The following PCDHGA11 variants were observed in gnomAD, a reference collection of about 807,000 sequenced individuals.
PCDHGA11 encodes the protein protocadherin gamma-A11.
In PCDHGA11, 39 loss-of-function variants were observed where a neutral mutation model predicts 60.4. That is an observed-to-expected ratio of 0.65 (90% CI 0.50 to 0.84). The LOEUF (loss-of-function observed/expected upper bound fraction) is 0.84. Ranked by LOEUF, PCDHGA11 falls within the 40% of genes least tolerant of loss-of-function variation. The probability of loss-of-function intolerance (pLI) is 0.00; values close to 1 mark genes in which losing one functional copy is unlikely to be tolerated. For synonymous variants in PCDHGA11, 533 were observed against 510.3 expected (o/e 1.04, Z -0.60); for missense variants, 1,165 against 1,197.7 (o/e 0.97, Z 0.40).
At position 141,511,424 on chromosome 5, in the gene PCDHGA11, G is replaced by A. The variant is rs939906846; in HGVS notation, c.*251G>A. 10 of 810,392 alleles carry A rather than the reference G, an allele frequency of 1.2e-5. No homozygotes were observed. Among genetic ancestry groups the A allele is most frequent in the East Asian group, 3.0e-5 (1 of 33,800 alleles). The allele number at this position is 810,392 out of a possible 1,614,324, so 50.2% of individuals were successfully genotyped here. On this transcript the variant is annotated 3_prime_UTR_variant, in exon 4 of 4. Transcript: ENST00000398587. The stretch of plus-strand genomic sequence containing the variant: ...ATCAACTGCTGTACCCATGGGGGTA[G>A]TGGGGTTACTGTAGACACCAAGAAC...
In PCDHGA11 at chr5:141,485,822, G is replaced by A. The variant is rs750883983; in HGVS notation, c.2434-8985G>A. 6.2e-7 allele frequency: 1 copy of A among 1,614,192 alleles called. No individual in the cohort carries two copies. The highest frequency in any genetic ancestry group is 1.1e-5 in the South Asian group (1 of 91,080). ...CCGCCTGGTGCTGACTGCTGTCGAT[G>A]GAGGGAACCCGCCGAGATCTGGCAC... On this transcript the variant is annotated intron_variant, in intron 1 of 3. Transcript: ENST00000398587. This position sits in a 1 kb window ranked among gnomAD's most constrained non-coding sequence, Gnocchi z 5.7.
chr5:141,482,574 A>C (rs1294997781), intron 1 of PCDHGA11, among the ~76,000 whole-genome samples: 2 of 151,592 alleles, frequency 1.3e-5, no homozygotes, highest in Non-Finnish European at 2.9e-5. Context: ...GCATAGCATA[A>C]GATGCAGTGG....
chr5:141,467,756 T>A (rs1312303182), intron 1 of PCDHGA11, among the ~76,000 whole-genome samples: 5 of 151,988 alleles, frequency 3.3e-5, no homozygotes, highest in African/African-American at 1.2e-4. Flanking sequence ...CCGCCTCACA[T>A]GCTCAAGTGC....
chr5:141,495,384 C>A (rs2099760896), intron 2 of PCDHGA11, among the ~76,000 whole-genome samples: 1 of 152,190 alleles, frequency 6.6e-6, no homozygotes, highest in African/African-American at 2.4e-5. Flanking sequence ...AAGGACTGGG[C>A]GGGGCATGGA....
Position 141,432,390 on chromosome 5 carries a change from G to A in PCDHGA11, c.2433+8730G>A. The A allele has an allele frequency of 6.2e-7, 1 of 1,614,256 alleles. No homozygotes were observed. The highest frequency in any genetic ancestry group is 8.5e-7 in the Non-Finnish European group (1 of 1,180,046). On this transcript the variant is annotated intron_variant, in intron 1 of 3. Transcript: ENST00000398587. This position sits in a 1 kb window ranked among gnomAD's most constrained non-coding sequence, Gnocchi z 6.0. ...GACAACGGGCACCCGCCCCTCAGCA[G>A]CAACGTGTCGTTGAGCCTGTTCGTG... is the stretch of plus-strand genomic sequence containing the variant.
At position 141,489,871 on chromosome 5, in the gene PCDHGA11, G is replaced by C; in HGVS notation, c.2434-4936G>C. ...TGAAGCCCAGGCAAGACATCAGCTGGTGCTTACTGCTGTGGATGGGGGGAC... is the reference window on the plus strand; with the variant it reads ...TGAAGCCCAGGCAAGACATCAGCTGCTGCTTACTGCTGTGGATGGGGGGAC... On this transcript the variant is annotated intron_variant, in intron 1 of 3. Coordinates refer to ENST00000398587, the MANE Select transcript of PCDHGA11 (RefSeq NM_018914.3). The surrounding 1 kb of genome is among the most constrained non-coding windows in gnomAD (Gnocchi z 4.5). 1 of 1,614,206 alleles carries C rather than the reference G, an allele frequency of 6.2e-7. No individual in the cohort carries two copies.
intron 1 of PCDHGA11, among the ~76,000 whole-genome samples, chr5:141,459,812 A>G (rs1390780491): frequency 1.3e-5 from 2 of 152,232 alleles, no homozygotes; most frequent in South Asian, 2.1e-4. Context: ...GACTAGAGAC[A>G]CTGAGCAACT....
Position 141,421,845 on chromosome 5 carries a change from G to C in PCDHGA11, c.618G>C (p.Glu206Asp), listed in dbSNP as rs369443134. The change falls in exon 1 of 4, where the codon GAG becomes GAC. Residue 206 changes from glutamate to aspartate, a missense_variant. Transcript: ENST00000398587. ...VLEGSLDREK[E>D]AAHLLLLTAL... ...AGGGAAGCCTGGACCGAGAGAAAGA[G>C]GCTGCTCACCTGCTCCTCCTCACAG... The C allele has an allele frequency of 1.1e-5, 18 of 1,613,638 alleles. No homozygotes were observed. The African/African-American group carries it at 2.1e-4, about 19-fold the overall frequency.
intron 2 of PCDHGA11, among the ~76,000 whole-genome samples, chr5:141,502,404 C>G (rs1270930372): frequency 6.6e-6 from 1 of 151,880 alleles, no homozygotes; most frequent in African/African-American, 2.4e-5. Context: ...TGTCCCCGAA[C>G]CTGGATTTGC....
chr5:141,432,281 A>C lies in PCDHGA11; in HGVS notation c.2433+8621A>C, dbSNP rs1313887209. 1 of 1,614,188 alleles carries C rather than the reference A, an allele frequency of 6.2e-7. No individual in the cohort carries two copies. The highest frequency in any genetic ancestry group is 1.1e-5 in the South Asian group (1 of 91,084). On this transcript the variant is annotated intron_variant, in intron 1 of 3. Coordinates refer to ENST00000398587, the MANE Select transcript of PCDHGA11 (RefSeq NM_018914.3). The surrounding 1 kb of genome is among the most constrained non-coding windows in gnomAD (Gnocchi z 6.0). The stretch of plus-strand genomic sequence containing the variant: ...AAGCCTATCGTCCTACGTGTCCATC[A>C]ACTCCGACACTGGGGTACTGTATGC...
At position 141,511,248 on chromosome 5, in the gene PCDHGA11, C is replaced by T; in HGVS notation, c.*75C>T. ...AGCTTCTCCTTACCTGCACCCAGGC[C>T]TCAGAGTTTCAGGGCTAACCCCCAG... On this transcript the variant is annotated 3_prime_UTR_variant, in exon 4 of 4. Transcript: ENST00000398587. 6.4e-7 allele frequency: 1 copy of T among 1,574,736 alleles called. No homozygotes were observed. The highest frequency in any genetic ancestry group is 8.6e-7 in the Non-Finnish European group (1 of 1,160,336).
Position 141,489,575 on chromosome 5 carries a change from AC to A in PCDHGA11, c.2434-5227del. On this transcript the variant is annotated intron_variant, in intron 1 of 3. Coordinates refer to ENST00000398587, the MANE Select transcript of PCDHGA11 (RefSeq NM_018914.3). This position sits in a 1 kb window ranked among gnomAD's most constrained non-coding sequence, Gnocchi z 4.5. ...CTGCCAGTGCAGGTGGTGACTGAAC[AC>A]CCCCTGGAGCTAATCCGTGTAGAGG... 1 of 1,613,788 alleles carries A rather than the reference AC, an allele frequency of 6.2e-7. No individual in the cohort carries two copies. Among genetic ancestry groups the A allele is most frequent in the Middle Eastern group, 1.6e-4 (1 of 6,062 alleles).
In PCDHGA11 at chr5:141,422,670, C is replaced by T; in HGVS notation, c.1443C>T (p.Asp481=). 6.2e-7 allele frequency: 1 copy of T among 1,607,244 alleles called. No individual in the cohort carries two copies. The highest frequency in any genetic ancestry group is 8.5e-7 in the Non-Finnish European group (1 of 1,176,356). The part of the protein sequence containing the change: ...SIFSVTALDP[D]SKQNALVTYS... The stretch of plus-strand genomic sequence containing the variant: ...TCTCAGTGACCGCCCTCGACCCGGA[C>T]AGCAAACAGAATGCCCTGGTCACTT... Residue 481 remains aspartate (D), a synonymous_variant, in exon 1 of 4, where the codon GAC becomes GAT. Transcript: ENST00000398587.
intron 1 of PCDHGA11, among the ~76,000 whole-genome samples, chr5:141,463,990 G>A (rs2099073582): frequency 6.6e-6 from 1 of 151,990 alleles, no homozygotes; most frequent in Non-Finnish European, 1.5e-5. Flanking sequence ...TAAAAACCAG[G>A]TGCAGTGGCT....
chr5:141,471,338 A>G (rs1562030662), intron 1 of PCDHGA11: 1 of 152,234 alleles, frequency 6.6e-6, no homozygotes, highest in Non-Finnish European at 1.5e-5. Context: ...GGTATGATCC[A>G]CTGCGCCCGG....
intron 1 of PCDHGA11, among the ~76,000 whole-genome samples, chr5:141,454,731 G>T (rs1249851832): frequency 6.7e-6 from 1 of 150,262 alleles, no homozygotes; most frequent in Non-Finnish European, 1.5e-5. Context: ...ATATGTTATA[G>T]GATGAAAAGA....
In PCDHGA11 at chr5:141,433,198, A is replaced by G. The variant is rs373769649; in HGVS notation, c.2433+9538A>G. 11 of 1,581,706 alleles carry G rather than the reference A, an allele frequency of 7.0e-6. No individual in the cohort carries two copies. The African/African-American group carries it at 1.1e-4, about 16-fold the overall frequency. On this transcript the variant is annotated intron_variant, in intron 1 of 3. Coordinates refer to ENST00000398587, the MANE Select transcript of PCDHGA11 (RefSeq NM_018914.3). ...GGTTAATTGAGGTGAGTTTATATCA[A>G]ATCTTCTTTCTTTTTTTTTTTTAAT...
chr5:141,454,128 C>T (rs988254902), intron 1 of PCDHGA11, among the ~76,000 whole-genome samples: 4 of 152,122 alleles, frequency 2.6e-5, no homozygotes, highest in African/African-American at 7.2e-5. Flanking sequence ...AATAGCTGAC[C>T]ATGGGAATGT....
In PCDHGA11 at chr5:141,485,609, G is replaced by A. The variant is rs1432367043; in HGVS notation, c.2434-9198G>A. The A allele has an allele frequency of 6.2e-7, 1 of 1,612,252 alleles. No homozygotes were observed. Among genetic ancestry groups the A allele is most frequent in the Non-Finnish European group, 8.5e-7 (1 of 1,178,656 alleles). On this transcript the variant is annotated intron_variant, in intron 1 of 3. Transcript: ENST00000398587. This position sits in a 1 kb window ranked among gnomAD's most constrained non-coding sequence, Gnocchi z 5.7. ...GCTGGACTTGGAAATTGGGGAGGCA[G>A]CTCCTCCAGGACAGCGTTTCCCGTT...
Sources: allele counts gnomAD v4.1 joint callset (sites outside exome capture counted in the v4.1 genomes callset), GRCh38; gene constraint gnomAD v4.1.1; non-coding constraint Gnocchi (gnomAD v3.1); transcripts MANE v1.5; gene names NCBI Gene and HGNC (gene_info 2026-07-23, HGNC 2026-07-21).